ABI2: variants seen among roughly 807,000 people sequenced by gnomAD.
ABI2 encodes the protein abelson interactor 2.
ABI2 carries 25 observed loss-of-function variants against 59.2 expected under a neutral mutation model. The observed-to-expected ratio is 0.42, with a 90% CI of 0.31 to 0.59. The LOEUF (loss-of-function observed/expected upper bound fraction) is 0.59. Among genes scored for constraint, ABI2 ranks in the 20% least tolerant of loss-of-function variants. The probability of loss-of-function intolerance (pLI) is 0.14; values close to 1 mark genes in which losing one functional copy is unlikely to be tolerated. For synonymous variants in ABI2, 213 were observed against 235.5 expected (o/e 0.90, Z 0.87); for missense variants, 545 against 681.8 (o/e 0.80, Z 2.23).
chr2:203,362,942 T>C (rs369489569), intron 1 of ABI2, among the ~76,000 whole-genome samples: 1 of 152,314 alleles, frequency 6.6e-6, no homozygotes, highest in East Asian at 1.9e-4. Context: ...GTGATTCTCC[T>C]GCCTCAGCCT....
intron 1 of ABI2, among the ~76,000 whole-genome samples, chr2:203,363,943 T>C (rs2093940973): frequency 6.6e-6 from 1 of 151,878 alleles, no homozygotes; most frequent in South Asian, 2.1e-4. Context: ...TTTGTATTTT[T>C]AGTAGAGACG....
At chr2:203,383,068 C>G (rs1045943633) in intron 4 of ABI2, among the ~76,000 whole-genome samples, 17 of 152,042 alleles carry the variant, frequency 1.1e-4, no homozygotes, top group African/African-American at 3.6e-4. Flanking sequence ...TGCATTTCTT[C>G]TTTGATTTTT....
chr2:203,412,182 G>T (rs2097704891), intron 10 of ABI2, among the ~76,000 whole-genome samples: 2 of 152,160 alleles, frequency 1.3e-5, no homozygotes, highest in Admixed American at 1.3e-4. Flanking sequence ...AGAAATATTT[G>T]CAATCTGTGG....
At chr2:203,345,375 C>T (rs555320693) in intron 1 of ABI2, among the ~76,000 whole-genome samples, 3 of 152,272 alleles carry the variant, frequency 2.0e-5, no homozygotes, top group South Asian at 4.1e-4. Flanking sequence ...TCCGGACACA[C>T]CATCTTTAAG....
intron 4 of ABI2, among the ~76,000 whole-genome samples, chr2:203,387,842 G>GTC (rs374258193): frequency 1.3e-5 from 2 of 152,146 alleles, no homozygotes; most frequent in African/African-American, 2.4e-5. Flanking sequence ...TATATGTTCT[G>GTC]TCTCTCTCTC....
At position 203,431,216 on chromosome 2, in the gene ABI2, CATT is replaced by C. The variant is rs1251466386; in HGVS notation, c.*3866_*3868del. ...AAATTTTTAAAATTTCTGGTTGTCT[CATT>C]AGACTGATGAGGTGAGTTTTCTTCT... is the stretch of plus-strand genomic sequence containing the variant. On this transcript the variant is annotated 3_prime_UTR_variant, in exon 12 of 12. Coordinates refer to ENST00000261018, the MANE Select transcript of ABI2 (RefSeq NM_001375670.1). The C allele has an allele frequency of 1.3e-5, 2 of 152,568 alleles. No individual in the cohort carries two copies. The highest frequency in any genetic ancestry group is 2.9e-5 in the Non-Finnish European group (2 of 68,036). The allele number at this position is 152,568 out of a possible 1,614,324, so 9.5% of individuals were successfully genotyped here.
intron 1 of ABI2, among the ~76,000 whole-genome samples, chr2:203,350,230 C>G (rs2086860537): frequency 6.6e-6 from 1 of 152,174 alleles, no homozygotes; most frequent in South Asian, 2.1e-4. Flanking sequence ...GTGTGCATTA[C>G]TATGCCCGGC....
intron 1 of ABI2, among the ~76,000 whole-genome samples, chr2:203,363,451 A>G (rs891566816): frequency 6.6e-6 from 1 of 151,206 alleles, no homozygotes; most frequent in Non-Finnish European, 1.5e-5. Flanking sequence ...TACCTCCACC[A>G]TTCTCACTTT....
At chr2:203,384,925 C>T (rs1412823840) in intron 4 of ABI2, among the ~76,000 whole-genome samples, 4 of 151,380 alleles carry the variant, frequency 2.6e-5, no homozygotes, top group African/African-American at 9.7e-5. Context: ...ACCTCCGCCT[C>T]CCGGGTTCAG....
chr2:203,376,623 A>G (rs577130816), intron 2 of ABI2, among the ~76,000 whole-genome samples: 1 of 151,064 alleles, frequency 6.6e-6, no homozygotes, highest in Non-Finnish European at 1.5e-5. Flanking sequence ...TTATGTTTCT[A>G]TTTTGCCTTC....
chr2:203,390,937 C>T (rs2096720996), intron 4 of ABI2, 109 bp from the exon 5 acceptor site: 11 of 804,940 alleles, frequency 1.4e-5, no homozygotes, highest in Admixed American at 4.5e-5. Context: ...AATTTTTTTC[C>T]CTTTATTTAA....
intron 9 of ABI2, among the ~76,000 whole-genome samples, chr2:203,408,833 C>CTTTATTTTTTTT: frequency 1.1e-5 from 1 of 87,214 alleles, no homozygotes; most frequent in East Asian, 2.5e-4. Flanking sequence ...CTTCTCCTTT[C>CTTTATTTTTTTT]TTTTTTTTTT....
rs192418294 is a variant in ABI2 at position 203,386,247 on chromosome 2, C to A, written c.480+4041C>A. ...TCACTATTTCACATACAGACACAAC[C>A]TACACACACTTCCCCTCTTCTATTT... On this transcript the variant is annotated intron_variant, in intron 4 of 11. Coordinates refer to ENST00000261018, the MANE Select transcript of ABI2 (RefSeq NM_001375670.1). Among the ~76,000 whole-genome samples, 118 of 152,134 alleles carry A rather than the reference C, an allele frequency of 7.8e-4. 1 individual carries two copies. The highest frequency in any genetic ancestry group is 5.8e-3 in the Admixed American group (89 of 15,260).
chr2:203,365,940 C>A (rs1340953367), intron 1 of ABI2, among the ~76,000 whole-genome samples: 3 of 152,040 alleles, frequency 2.0e-5, no homozygotes, highest in African/African-American at 7.2e-5. Flanking sequence ...GGGCTGTTAT[C>A]TTAATGCTTA....
intron 8 of ABI2, among the ~76,000 whole-genome samples, chr2:203,401,099 T>C (rs2097200157): frequency 6.6e-6 from 1 of 152,116 alleles, no homozygotes; most frequent in African/African-American, 2.4e-5. Context: ...CAGTCCCCCC[T>C]CCTCTACTCT....
chr2:203,403,409 A>G (rs2097299450), intron 9 of ABI2: 1 of 154,768 alleles, frequency 6.5e-6, no homozygotes, highest in Admixed American at 6.5e-5. Flanking sequence ...GGAAGCCAGT[A>G]AGCCTATGTG....
At chr2:203,407,510 A>G (rs1416286050) in intron 9 of ABI2, among the ~76,000 whole-genome samples, 2 of 152,242 alleles carry the variant, frequency 1.3e-5, no homozygotes, top group East Asian at 3.8e-4. Context: ...TTGGACATCT[A>G]AAATACAAGC....
rs570378903 is a variant in ABI2, at chr2:203,376,217, A to G, written c.286-3991A>G. ...TTTGCCCCCAAGGGGACATTTGGCA[A>G]TGTTAGACATTTTTGGTTGTCACAT... On this transcript the variant is annotated intron_variant, in intron 2 of 11. Transcript: ENST00000261018. 190 of 1,006,204 alleles carry G rather than the reference A, an allele frequency of 1.9e-4. 5 individuals carry two copies. The South Asian group carries it at 2.5e-3, about 13-fold the overall frequency. The allele number at this position is 1,006,204 out of a possible 1,614,324, so 62.3% of individuals were successfully genotyped here.
intron 1 of ABI2, among the ~76,000 whole-genome samples, chr2:203,340,128 A>G (rs188514057): frequency 3.3e-5 from 5 of 152,348 alleles, no homozygotes; most frequent in African/African-American, 1.2e-4. Context: ...GCACAGAAAG[A>G]CAAATACCGT....
Sources: gnomAD v4.1 joint callset for allele counts (sites outside exome capture counted in the v4.1 genomes callset) on GRCh38, gnomAD v4.1.1 for gene constraint, MANE v1.5 for transcripts, NCBI Gene and HGNC (gene_info 2026-07-23, HGNC 2026-07-21) for gene names.